The following ANO1 variants were observed in gnomAD, a reference collection of about 807,000 sequenced individuals.
ANO1 encodes the protein anoctamin 1.
Under a neutral mutation model 124.0 loss-of-function variants are expected in ANO1, and 59 were observed. The ratio of observed to expected loss-of-function variants is 0.48; its 90% CI spans 0.39 to 0.59. The LOEUF is 0.59. Ranked by LOEUF, ANO1 falls within the 20% of genes least tolerant of loss-of-function variation. ANO1 has a pLI of 0.00. For missense variants in ANO1, 1,059 were observed against 1,328.0 expected (o/e 0.80, Z 3.15); for synonymous variants, 529 against 532.0 (o/e 0.99, Z 0.08).
chr11:70,036,969 T>C (rs904118747), intron 1 of ANO1, among the ~76,000 whole-genome samples: 1 of 152,246 alleles, frequency 6.6e-6, no homozygotes, highest in Non-Finnish European at 1.5e-5. Context: ...CTCAGGCATG[T>C]CTGTGTGCTC....
intron 25 of ANO1, among the ~76,000 whole-genome samples, 169 bp from the exon 26 acceptor site, chr11:70,187,569 G>A (rs1283478488): frequency 2.0e-5 from 3 of 152,266 alleles, no homozygotes. Flanking sequence ...GAGGCCTGCC[G>A]GGTGGTTCTA....
At chr11:70,144,510 TA>T (rs1268378252) in intron 11 of ANO1, among the ~76,000 whole-genome samples, 1 of 152,266 alleles carries the variant, frequency 6.6e-6, no homozygotes, top group Non-Finnish European at 1.5e-5. Flanking sequence ...AGATCCCATG[TA>T]GACCTAGAGT....
intron 1 of ANO1, among the ~76,000 whole-genome samples, chr11:69,995,080 A>C (rs1554998151): frequency 6.8e-6 from 1 of 146,970 alleles, no homozygotes; most frequent in African/African-American, 2.5e-5. Flanking sequence ...ACTAATGCAC[A>C]AATGCTGGCA....
At position 70,001,773 on chromosome 11, in the gene ANO1, ATG is replaced by A. The variant is rs140043461; in HGVS notation, c.58+15631_58+15632del. ...TATATATCTGTGACACTTCAATAAG[ATG>A]TGTGTGTGTGTGTGTGTGTGTGTTT... is the stretch of plus-strand genomic sequence containing the variant. On this transcript the variant is annotated intron_variant, in intron 1 of 27. Transcript: ENST00000531349. Among the ~76,000 whole-genome samples the A allele has an allele frequency of 3.2e-3, 487 of 150,278 alleles. 3 individuals carry two copies. The highest frequency in any genetic ancestry group is 7.9e-3 in the African/African-American group (324 of 40,862).
At chr11:70,085,830 A>G (rs1223818773) in intron 1 of ANO1, among the ~76,000 whole-genome samples, 3 of 152,148 alleles carry the variant, frequency 2.0e-5, no homozygotes, top group Non-Finnish European at 4.4e-5. Flanking sequence ...TCCCTGATAC[A>G]CTTTGGGTTG....
At chr11:70,071,927 A>T (rs923841928) in intron 1 of ANO1, among the ~76,000 whole-genome samples, 7 of 152,264 alleles carry the variant, frequency 4.6e-5, no homozygotes, top group Non-Finnish European at 8.8e-5. Context: ...CCTGGCCAGG[A>T]ACTTTTATAC....
At position 70,045,638 on chromosome 11, in the gene ANO1, T is replaced by A. The variant is rs78910507; in HGVS notation, c.59-32904T>A. Among the ~76,000 whole-genome samples the A allele has an allele frequency of 3.4e-3, 515 of 152,180 alleles. 3 individuals are homozygous for A. Among genetic ancestry groups the A allele is most frequent in the African/African-American group, 0.012 (480 of 41,516 alleles). ...TGAGGCTGGACATGACTCATACAAC[T>A]GATTTTTTTTTTTCCGTATCATATG... On this transcript the variant is annotated intron_variant, in intron 1 of 27. Transcript: ENST00000531349.
rs200387111 is a variant in ANO1 at position 70,116,533 on chromosome 11, G to A, written c.897+34G>A. 3.3e-5 allele frequency: 52 copies of A among 1,571,690 alleles called. No homozygotes were observed. The Admixed American group carries it at 9.5e-4, about 29-fold the overall frequency. On this transcript the variant is annotated intron_variant, in intron 8 of 25. Coordinates refer to ENST00000355303, the MANE Select transcript of ANO1 (RefSeq NM_018043.7). ...ATGGAGCGGAGCAGGAGGTGGCTCT[G>A]TCAGAGCCTGGAGGCGTTCTGGGGC...
chr11:70,024,554 G>A (rs1856858864), intron 1 of ANO1, among the ~76,000 whole-genome samples: 1 of 152,096 alleles, frequency 6.6e-6, no homozygotes, highest in African/African-American at 2.4e-5. Flanking sequence ...CTGTGCCAAG[G>A]GCTCCCTGGG....
intron 1 of ANO1, among the ~76,000 whole-genome samples, chr11:70,037,980 A>G (rs1329299349): frequency 3.9e-5 from 6 of 152,208 alleles, no homozygotes; most frequent in African/African-American, 1.4e-4. Context: ...GTGAGTGAGC[A>G]TGAGGATTAA....
intron 1 of ANO1, among the ~76,000 whole-genome samples, chr11:70,005,947 T>C (rs1213571039): frequency 6.6e-6 from 1 of 151,532 alleles, no homozygotes; most frequent in Non-Finnish European, 1.5e-5. Context: ...TTTCCACTTT[T>C]CAGTCTGTAA....
chr11:70,024,452 C>T (rs577804444), intron 1 of ANO1, among the ~76,000 whole-genome samples: 2 of 152,328 alleles, frequency 1.3e-5, no homozygotes, highest in South Asian at 4.1e-4. Context: ...CCTGCTTCCC[C>T]TGCAGAGAAT....
intron 1 of ANO1, among the ~76,000 whole-genome samples, chr11:70,068,956 CA>C (rs1426282655): frequency 2.0e-5 from 3 of 152,230 alleles, no homozygotes; most frequent in Admixed American, 6.5e-5. Flanking sequence ...CTCCAAGGAC[CA>C]GGGGGGCCCA....
intron 22 of ANO1, among the ~76,000 whole-genome samples, chr11:70,175,525 C>T (rs1043799831): frequency 6.6e-6 from 1 of 152,216 alleles, no homozygotes; most frequent in East Asian, 1.9e-4. Context: ...ATCACCCTGT[C>T]GTCCAGCGGG....
intron 1 of ANO1, chr11:70,065,122 GGCTGACTCTGTA>G (rs1224342683): frequency 5.3e-5 from 8 of 152,198 alleles, no homozygotes; most frequent in Non-Finnish European, 1.2e-4. Flanking sequence ...TTTTTAAGAC[GGCTGACTCTGTA>G]GCTCTGATTT....
At chr11:70,134,625 G>C (rs1297176815) in intron 11 of ANO1, among the ~76,000 whole-genome samples, 2 of 152,176 alleles carry the variant, frequency 1.3e-5, no homozygotes, top group Non-Finnish European at 2.9e-5. Flanking sequence ...CGTGCGCCTG[G>C]TGTGTGGGAG....
At chr11:70,134,405 C>T (rs999875053) in intron 11 of ANO1, among the ~76,000 whole-genome samples, 2 of 152,198 alleles carry the variant, frequency 1.3e-5, no homozygotes, top group East Asian at 1.9e-4. Flanking sequence ...ATAGCGCCCC[C>T]GGGGCTCAGA....
chr11:70,084,102 A>T (rs1349564616), intron 1 of ANO1, among the ~76,000 whole-genome samples: 1 of 152,086 alleles, frequency 6.6e-6, no homozygotes, highest in African/African-American at 2.4e-5. Flanking sequence ...GGAAGGCAGT[A>T]TGGGGAGGAG....
intron 11 of ANO1, 116 bp from the exon 12 acceptor site, chr11:70,149,593 TG>T: frequency 9.6e-7 from 1 of 1,044,438 alleles, no homozygotes; most frequent in Non-Finnish European, 1.4e-6. Context: ...GAGATTGCAG[TG>T]GGTGGAGATT....
Sources: allele counts gnomAD v4.1 joint callset (sites outside exome capture counted in the v4.1 genomes callset), GRCh38; gene constraint gnomAD v4.1.1; transcripts MANE v1.5; gene names NCBI Gene and HGNC (gene_info 2026-07-23, HGNC 2026-07-21).